ITGAE: variants seen among roughly 807,000 people sequenced by gnomAD.
The protein encoded by ITGAE is integrin subunit alpha E.
Under a neutral mutation model 136.5 loss-of-function variants are expected in ITGAE, and 99 were observed. The observed-to-expected ratio is 0.73, with a 90% confidence interval of 0.62 to 0.86. ITGAE has a LOEUF of 0.86. Ranked by LOEUF, ITGAE falls within the 40% of genes least tolerant of loss-of-function variation. The pLI is 0.00. For synonymous variants in ITGAE, 613 were observed against 591.8 expected, an observed-to-expected ratio of 1.04 and a Z score of -0.52; for missense variants, 1,447 against 1,515.3, an observed-to-expected ratio of 0.95 and a Z score of 0.75.
chr17:3,795,723 G>C lies in ITGAE; in HGVS notation c.34+5388C>G, dbSNP rs942718186. On this transcript the variant is annotated intron_variant, in intron 1 of 30. Coordinates refer to ENST00000263087, the MANE Select transcript of ITGAE (RefSeq NM_002208.5). ...GCTCTGCTTACAGGGCTGGTAACTA[G>C]GTCAGCAAGAGCCTGCCGCAGAGGC... 5.9e-5 allele frequency among the ~76,000 whole-genome samples: 9 copies of C among 152,346 alleles called. 1 individual carries two copies. The highest frequency in any genetic ancestry group is 3.9e-4 in the East Asian group (2 of 5,190).
chr17:3,789,431 T>TTTCC (rs1230140419), intron 1 of ITGAE, among the ~76,000 whole-genome samples: 3 of 151,774 alleles, frequency 2.0e-5, no homozygotes, highest in Non-Finnish European at 4.4e-5. Context: ...TCTTTTAAGT[T>TTTCC]TTCCTTCCTT....
chr17:3,727,468 C>T (rs891389061), intron 26 of ITGAE, among the ~76,000 whole-genome samples: 3 of 151,010 alleles, frequency 2.0e-5, no homozygotes, highest in South Asian at 2.1e-4. Flanking sequence ...GGCAGGATCT[C>T]GGCTCACTGC....
intron 2 of ITGAE, among the ~76,000 whole-genome samples, chr17:3,774,207 C>T (rs575642080): frequency 6.6e-6 from 1 of 152,032 alleles, no homozygotes. Flanking sequence ...GGCTCACTTG[C>T]TCCTGTGTGC....
Position 3,714,831 on chromosome 17 carries a change from C to G in ITGAE, c.*16G>C, listed in dbSNP as rs1042518368. On this transcript the variant is annotated 3_prime_UTR_variant, in exon 31 of 31. Transcript: ENST00000263087. ...CCCAGGACTGGCTGATAGCCTCTCCCAGTGGATAGCAGGTCCTAATTCTCT... is the reference window on the plus strand; with the variant it reads ...CCCAGGACTGGCTGATAGCCTCTCCGAGTGGATAGCAGGTCCTAATTCTCT... 6.7e-7 allele frequency: 1 copy of G among 1,495,394 alleles called. No homozygotes were observed. Among genetic ancestry groups the G allele is most frequent in the Non-Finnish European group, 9.3e-7 (1 of 1,074,138 alleles). The allele number at this position is 1,495,394 out of a possible 1,614,324, so 92.6% of individuals were successfully genotyped here. A position where few individuals can be genotyped will look rare whatever the true frequency, so the allele number is the denominator to read the frequency against.
chr17:3,754,689 A>C, intron 12 of ITGAE: 1 of 224,052 alleles, frequency 4.5e-6, no homozygotes, highest in South Asian at 4.6e-5. Flanking sequence ...CCCTCGGCCC[A>C]TGTGACTGAC....
chr17:3,719,837 C>T (rs372696148), intron 29 of ITGAE, among the ~76,000 whole-genome samples: 5 of 152,066 alleles, frequency 3.3e-5, no homozygotes, highest in South Asian at 2.1e-4. Context: ...AAGCGATTCT[C>T]GTGCCTCAGC....
At chr17:3,761,601 C>T (rs1482251549) in intron 4 of ITGAE, 81 bp from the exon 5 acceptor site, 1 of 1,320,810 alleles carries the variant, frequency 7.6e-7, no homozygotes, top group African/African-American at 1.5e-5. Flanking sequence ...ACCCCCATTC[C>T]AGAACTCAGT....
chr17:3,731,117 C>G lies in ITGAE; in HGVS notation c.2821G>C (p.Val941Leu), dbSNP rs1193144080. The stretch of plus-strand genomic sequence containing the variant: ...GGCAGTACTTACTTGGTGACAGTCA[C>G]AGTGATGTCTGCTGTCCTGTTTGGA... ...AFPNRTADIT[V>L]TVTNSNERRS... is the part of the protein sequence containing the mutation. The change falls in exon 23 of 31, where the codon GTG becomes CTG. Residue 941 changes from valine to leucine, a missense_variant. By Grantham distance (32) the Val-to-Leu change is conservative. Transcript: ENST00000263087. 12 of 1,613,126 alleles carry G rather than the reference C, an allele frequency of 7.4e-6. No homozygotes were observed. Among genetic ancestry groups the G allele is most frequent in the Non-Finnish European group, 1.0e-5 (12 of 1,179,374 alleles).
chr17:3,715,156 C>A (rs537157316), intron 30 of ITGAE, among the ~76,000 whole-genome samples: 1 of 152,350 alleles, frequency 6.6e-6, no homozygotes, highest in South Asian at 2.1e-4. Flanking sequence ...ACTCCACCTT[C>A]CTCTGAACCC....
chr17:3,720,690 C>G, intron 28 of ITGAE: 1 of 235,886 alleles, frequency 4.2e-6, no homozygotes, highest in East Asian at 1.2e-4. Context: ...TCAAGCGATT[C>G]TCCTGCCTTA....
chr17:3,732,551 A>G, intron 21 of ITGAE, 85 bp from the exon 22 acceptor site: 2 of 1,143,252 alleles, frequency 1.7e-6, no homozygotes, highest in Admixed American at 1.8e-5. Context: ...TTCAGCAAAC[A>G]TTCACTAATT....
intron 1 of ITGAE, among the ~76,000 whole-genome samples, chr17:3,790,600 G>A (rs769813204): frequency 3.9e-5 from 6 of 152,112 alleles, no homozygotes; most frequent in East Asian, 1.9e-4. Flanking sequence ...GAGTGTGCTC[G>A]CCACAGAACT....
chr17:3,765,906 C>T (rs35020724), intron 2 of ITGAE, among the ~76,000 whole-genome samples: 11,012 of 152,232 alleles, frequency 0.072, 452 homozygotes, highest in Non-Finnish European at 0.1. Context: ...CTGAAATTCC[C>T]ACCTCTCCAT....
intron 2 of ITGAE, among the ~76,000 whole-genome samples, chr17:3,767,227 G>A (rs2052321139): frequency 6.6e-6 from 1 of 152,014 alleles, no homozygotes; most frequent in African/African-American, 2.4e-5. Flanking sequence ...CTCCCAAAGT[G>A]CTGCGATTAC....
Position 3,724,176 on chromosome 17 carries a change from A to C in ITGAE, c.3085-432T>G, listed in dbSNP as rs576218610. 10 of 1,592,354 alleles carry C rather than the reference A, an allele frequency of 6.3e-6. No individual in the cohort carries two copies. In the African/African-American group the frequency reaches 6.7e-5, roughly 11 times the overall value. On this transcript the variant is annotated intron_variant, in intron 26 of 30. Coordinates refer to ENST00000263087, the MANE Select transcript of ITGAE (RefSeq NM_002208.5). ...CGGCAGCCCGGTGAGGCGGCGGCGG[A>C]GGCGTCCCGGCGGCCGAGTGCCCAA...
At position 3,719,253 on chromosome 17, in the gene ITGAE, A is replaced by AAAAG. The variant is rs1555572877; in HGVS notation, c.3333+1050_3333+1053dup. On this transcript the variant is annotated intron_variant, in intron 29 of 30. Coordinates refer to ENST00000263087, the MANE Select transcript of ITGAE (RefSeq NM_002208.5). Reference sequence around the variant, plus strand: ...TCTTCCTCAAAAAAAAAAAAAAAAAAAAAGAAAAGAAAAGAAAAAGAAATA... The same window carrying AAAAG: ...TCTTCCTCAAAAAAAAAAAAAAAAAAAAAGAAAGAAAAGAAAAGAAAAAGAAATA... Among the ~76,000 whole-genome samples, 205 of 109,502 alleles carry AAAAG rather than the reference A, an allele frequency of 1.9e-3. 16 individuals are homozygous for AAAAG. Among genetic ancestry groups the AAAAG allele is most frequent in the Non-Finnish European group, 2.0e-3 (107 of 52,516 alleles). The allele number at this position is 109,502 out of a possible 152,430, so 71.8% of individuals were successfully genotyped here. A position where few individuals can be genotyped will look rare whatever the true frequency, so the allele number is the denominator to read the frequency against.
rs34579296 is a variant in ITGAE at position 3,756,400 on chromosome 17, A to ATTT, written c.1172-506_1172-504dup. Among the ~76,000 whole-genome samples, 64 of 119,378 alleles carry ATTT rather than the reference A, an allele frequency of 5.4e-4. 1 individual carries two copies. Among genetic ancestry groups the ATTT allele is most frequent in the African/African-American group, 2.0e-3 (64 of 31,528 alleles). The allele number at this position is 119,378 out of a possible 152,430, so 78.3% of individuals were successfully genotyped here. A position where few individuals can be genotyped will look rare whatever the true frequency, so the allele number is the denominator to read the frequency against. On this transcript the variant is annotated intron_variant, in intron 10 of 30. Transcript: ENST00000263087. ...GGTCATGCGCCACCACGCCTGGCTA[A>ATTT]TTTTTTTTTTTTTTTTTTTGAGATG...
intron 1 of ITGAE, among the ~76,000 whole-genome samples, chr17:3,795,313 G>A (rs1461313926): frequency 6.6e-6 from 1 of 152,186 alleles, no homozygotes; most frequent in Admixed American, 6.5e-5. Context: ...TCAGCGCAGG[G>A]CCAGGCCCAC....
chr17:3,789,743 T>G (rs1330422323), intron 1 of ITGAE, among the ~76,000 whole-genome samples: 3 of 152,144 alleles, frequency 2.0e-5, no homozygotes, highest in African/African-American at 4.8e-5. Flanking sequence ...TCAAGTAATC[T>G]GCCCCCACTT....
Sources: allele counts gnomAD v4.1 joint callset (sites outside exome capture counted in the v4.1 genomes callset), GRCh38; gene constraint gnomAD v4.1.1; transcripts MANE v1.5; gene names NCBI Gene and HGNC (gene_info 2026-07-23, HGNC 2026-07-21).